The following CAST variants were observed in gnomAD, a reference collection of about 807,000 sequenced individuals.
CAST encodes MIR583 host.
Under a neutral mutation model 119.6 loss-of-function variants are expected in CAST, and 76 were observed. The ratio of observed to expected loss-of-function variants is 0.64; its 90% CI spans 0.53 to 0.77. CAST has a LOEUF of 0.77. Among genes scored for constraint, CAST ranks in the 30% least tolerant of loss-of-function variants. The pLI, the probability that CAST is intolerant of heterozygous loss-of-function variation, is 0.00. For missense variants in CAST, 953 were observed against 946.5 expected (o/e 1.01, Z -0.09); for synonymous variants, 319 against 331.6 (o/e 0.96, Z 0.41).
the CAST span, among the ~76,000 whole-genome samples, chr5:96,406,683 A>G: frequency 6.6e-6 from 1 of 152,222 alleles, no homozygotes; most frequent in African/African-American, 2.4e-5. Flanking sequence ...AAAGGCCAAG[A>G]TATTTTTCCT....
chr5:96,484,882 A>G, the CAST span, among the ~76,000 whole-genome samples: 2 of 152,040 alleles, frequency 1.3e-5, no homozygotes, highest in Non-Finnish European at 2.9e-5. Context: ...ACCTGTGAGA[A>G]CTCTATGCAA....
chr5:96,643,066 G>A (rs995203467), intron 1 of CAST, among the ~76,000 whole-genome samples: 49 of 152,160 alleles, frequency 3.2e-4, no homozygotes, highest in Non-Finnish European at 5.9e-4. Flanking sequence ...TCTGGGCTGT[G>A]CTCTTAACCA....
the CAST span, among the ~76,000 whole-genome samples, chr5:96,003,153 T>C: frequency 4.5e-3 from 678 of 152,184 alleles, 10 homozygotes; most frequent in African/African-American, 0.015. Flanking sequence ...GGCCTGGGGA[T>C]TGCTAAAGCC....
chr5:96,768,239 A>G (rs1770768617), intron 29 of CAST, among the ~76,000 whole-genome samples: 1 of 151,852 alleles, frequency 6.6e-6, no homozygotes, highest in Admixed American at 6.6e-5. Context: ...GTGCACCACC[A>G]CACCCAGCTA....
the CAST span, among the ~76,000 whole-genome samples, chr5:96,019,309 T>C: frequency 6.6e-6 from 1 of 152,230 alleles, no homozygotes; most frequent in Non-Finnish European, 1.5e-5. Flanking sequence ...ATTCAATACA[T>C]GTGATTATGA....
chr5:96,450,897 C>T, the CAST span, among the ~76,000 whole-genome samples: 1 of 152,126 alleles, frequency 6.6e-6, no homozygotes, highest in Admixed American at 6.5e-5. Flanking sequence ...TTTCTGAGTC[C>T]CAGGTAGCTA....
chr5:96,675,114 G>A (rs965062926), intron 1 of CAST, among the ~76,000 whole-genome samples: 1 of 152,132 alleles, frequency 6.6e-6, no homozygotes, highest in Admixed American at 6.6e-5. Flanking sequence ...TGGTGGATAC[G>A]CGGAAGAACT....
At chr5:96,068,333 C>T in the CAST span, among the ~76,000 whole-genome samples, 4 of 152,038 alleles carry the variant, frequency 2.6e-5, no homozygotes, top group East Asian at 1.9e-4. Context: ...TGGGTCTTGT[C>T]TAGGAAAACG....
the CAST span, among the ~76,000 whole-genome samples, chr5:96,255,889 G>A: frequency 6.6e-6 from 1 of 152,156 alleles, no homozygotes; most frequent in East Asian, 1.9e-4. Flanking sequence ...CCTCAAATCT[G>A]GTGTTCTGTG....
chr5:96,409,039 C>T, the CAST span, among the ~76,000 whole-genome samples: 3,128 of 152,220 alleles, frequency 0.021, 120 homozygotes, highest in African/African-American at 0.072. Context: ...GACTCATATG[C>T]GAGACTTACC....
At chr5:96,080,440 A>T in the CAST span, among the ~76,000 whole-genome samples, 1 of 152,170 alleles carries the variant, frequency 6.6e-6, no homozygotes, top group South Asian at 2.1e-4. Flanking sequence ...CTTGAAGGAG[A>T]TAGTTTGGCA....
chr5:96,675,711 G>A, intron 2 of CAST, 110 bp downstream of exon 2: 9 of 732,542 alleles, frequency 1.2e-5, no homozygotes, highest in South Asian at 8.7e-5. Context: ...GCTTAATATT[G>A]GGAAATTTTG....
At chr5:96,344,503 T>A in the CAST span, among the ~76,000 whole-genome samples, 1 of 152,204 alleles carries the variant, frequency 6.6e-6, no homozygotes, top group African/African-American at 2.4e-5. Context: ...GTGGCTCATG[T>A]GCCATGAAAA....
At chr5:96,764,395 G>T (rs1262728026) in intron 25 of CAST, among the ~76,000 whole-genome samples, 1 of 152,128 alleles carries the variant, frequency 6.6e-6, no homozygotes, top group Non-Finnish European at 1.5e-5. Context: ...GAGGAAATAA[G>T]CTATCTTAGT....
Position 96,675,597 on chromosome 5 carries a change from A to T in CAST, c.134A>T (p.Asp45Val). The T allele has an allele frequency of 1.2e-6, 2 of 1,610,444 alleles. No homozygotes were observed. Among genetic ancestry groups the T allele is most frequent in the Non-Finnish European group, 1.7e-6 (2 of 1,176,694 alleles). ...AAACCAGGAGAAAAGAAAGGATCAG[A>T]TGAGGTAATTTCCACAATACTGGGC... ...PSKPGEKKGS[D>V]EKKAASLGSS... Residue 45 changes from aspartate (D) to valine (V), a missense_variant, in exon 2 of 32, where the codon GAT (aspartate) becomes GTT (valine). Physicochemically the swap from Asp to Val is radical, Grantham distance 152 (BLOSUM62 -3). Transcript: ENST00000675179.
chr5:96,735,611 T>A (rs957844694), intron 9 of CAST, among the ~76,000 whole-genome samples: 1 of 152,164 alleles, frequency 6.6e-6, no homozygotes, highest in Non-Finnish European at 1.5e-5. Flanking sequence ...GAGGGAGAGA[T>A]GCTCCAAGGG....
intron 1 of CAST, among the ~76,000 whole-genome samples, chr5:96,546,014 G>GT (rs1385586598): frequency 3.3e-5 from 5 of 152,232 alleles, no homozygotes; most frequent in Admixed American, 3.3e-4. Context: ...GAATACATTA[G>GT]TTTTTTGTTT....
In CAST at chr5:96,736,076, A is replaced by G. The variant is rs13183352; in HGVS notation, c.631-96A>G. Reference sequence around the variant, plus strand: ...AGAGCGGATGTTCAGTGTATGATCAATGCTTGTTAATATAATGAATTTATT... The same window carrying G: ...AGAGCGGATGTTCAGTGTATGATCAGTGCTTGTTAATATAATGAATTTATT... On this transcript the variant is annotated intron_variant, in intron 9 of 31. Transcript: ENST00000675179. 201,637 of 737,908 alleles carry G rather than the reference A, an allele frequency of 0.27. 30,389 individuals are homozygous for G. Among genetic ancestry groups the G allele is most frequent in the Non-Finnish European group, 0.32 (141,901 of 440,840 alleles). The allele number at this position is 737,908 out of a possible 1,614,324, so 45.7% of individuals were successfully genotyped here. A position where few individuals can be genotyped will look rare whatever the true frequency, so the allele number is the denominator to read the frequency against.
At chr5:96,194,835 T>TCCATTG in the CAST span, among the ~76,000 whole-genome samples, 79 of 152,334 alleles carry the variant, frequency 5.2e-4, 1 homozygote, top group African/African-American at 1.9e-3. Flanking sequence ...TACATGCCAC[T>TCCATTG]CCATTGCTGT....
Sources: allele counts gnomAD v4.1 joint callset (sites outside exome capture counted in the v4.1 genomes callset), GRCh38; gene constraint gnomAD v4.1.1; transcripts MANE v1.5; gene names NCBI Gene and HGNC (gene_info 2026-07-23, HGNC 2026-07-21).